Variants in HMOX2 observed in about 807,000 individuals in gnomAD.
HMOX2 encodes heme oxygenase 2, also known as heme oxygenase (decycling) 2.
Under a neutral mutation model 33.7 loss-of-function variants are expected in HMOX2, and 30 were observed. The observed-to-expected ratio is 0.89, with a 90% CI of 0.67 to 1.21. The LOEUF (loss-of-function observed/expected upper bound fraction) is 1.21. Among genes scored for constraint, HMOX2 ranks in the 50% most tolerant of loss-of-function variants. HMOX2 has a pLI of 0.00. For missense variants in HMOX2, 403 were observed against 399.1 expected (o/e 1.01, Z -0.08); for synonymous variants, 155 against 155.0 (o/e 1.00, Z 0.00).
At chr16:4,478,484 C>T (rs1182704085) in intron 1 of HMOX2, among the ~76,000 whole-genome samples, 6 of 152,130 alleles carry the variant, frequency 3.9e-5, no homozygotes, top group African/African-American at 1.4e-4. Flanking sequence ...GGTGCAGTGG[C>T]TCATGCTTGT....
intron 1 of HMOX2, among the ~76,000 whole-genome samples, chr16:4,487,838 C>T (rs979309382): frequency 6.6e-6 from 1 of 151,528 alleles, no homozygotes. Context: ...GTAATCCCAG[C>T]TACTCGGGAG....
intron 1 of HMOX2, among the ~76,000 whole-genome samples, chr16:4,482,647 C>G (rs181403359): frequency 3.3e-5 from 5 of 152,158 alleles, no homozygotes; most frequent in African/African-American, 2.4e-5. Flanking sequence ...AATCCCTCCT[C>G]GAGTTTGATT....
Position 4,478,791 on chromosome 16 carries a change from A to T in HMOX2, c.-42+2304A>T, listed in dbSNP as rs1011400541. 3.2e-4 allele frequency among the ~76,000 whole-genome samples: 49 copies of T among 151,290 alleles called. 1 individual carries two copies. The highest frequency in any genetic ancestry group is 7.3e-4 in the Admixed American group (11 of 15,170). Reference sequence around the variant, plus strand: ...AAAAAAAAAAAAAAGAAAGAAAGAAAATTAGAATTGTGTATTTCACTGTAA... The same window carrying T: ...AAAAAAAAAAAAAAGAAAGAAAGAATATTAGAATTGTGTATTTCACTGTAA... On this transcript the variant is annotated intron_variant, in intron 1 of 5. Coordinates refer to ENST00000570646, the MANE Select transcript of HMOX2 (RefSeq NM_002134.4).
intron 1 of HMOX2, among the ~76,000 whole-genome samples, chr16:4,486,873 T>C (rs2058181610): frequency 6.6e-6 from 1 of 152,160 alleles, no homozygotes; most frequent in East Asian, 1.9e-4. Context: ...GCTCAGTCCC[T>C]TTTGGCCCCC....
intron 1 of HMOX2, among the ~76,000 whole-genome samples, chr16:4,498,056 A>G (rs1356069093): frequency 7.7e-6 from 1 of 129,352 alleles, no homozygotes; most frequent in South Asian, 2.4e-4. Flanking sequence ...TCCAGGATTC[A>G]TTGTCTTTTT....
intron 1 of HMOX2, among the ~76,000 whole-genome samples, chr16:4,496,985 C>T (rs9936357): frequency 0.015 from 2,210 of 152,056 alleles, 48 homozygotes; most frequent in African/African-American, 0.051. Context: ...GTGTGAGCTA[C>T]CAGTACCAGC....
At chr16:4,488,127 CAAA>C (rs60429116) in intron 1 of HMOX2, among the ~76,000 whole-genome samples, 936 of 69,300 alleles carry the variant, frequency 0.014, 25 homozygotes, top group Admixed American at 0.12. Flanking sequence ...AACTCCATCT[CAAA>C]AAAAAAAAAA....
At chr16:4,502,321 G>A (rs901957723) in intron 1 of HMOX2, among the ~76,000 whole-genome samples, 4 of 152,232 alleles carry the variant, frequency 2.6e-5, no homozygotes, top group Admixed American at 6.5e-5. Context: ...GTAAAACACA[G>A]TTAATGAGAT....
At chr16:4,478,010 T>C (rs1319256212) in intron 1 of HMOX2, among the ~76,000 whole-genome samples, 2 of 152,212 alleles carry the variant, frequency 1.3e-5, no homozygotes, top group African/African-American at 2.4e-5. Flanking sequence ...TTGGTGAAAT[T>C]AGAAAAAGTT....
chr16:4,489,796 C>T (rs770571681), intron 1 of HMOX2, among the ~76,000 whole-genome samples: 1 of 151,948 alleles, frequency 6.6e-6, no homozygotes, highest in Non-Finnish European at 1.5e-5. Context: ...GGGGAGGTAG[C>T]AACAGAGATC....
At chr16:4,489,750 C>T (rs904344956) in intron 1 of HMOX2, among the ~76,000 whole-genome samples, 3 of 152,110 alleles carry the variant, frequency 2.0e-5, no homozygotes, top group South Asian at 2.1e-4. Flanking sequence ...TGAGCCATTG[C>T]GCCGAGCCTC....
rs1332708922 is a variant in HMOX2 at position 4,505,605 on chromosome 16, A to T, written c.81A>T (p.Gln27His). The change falls in exon 2 of 6, where the codon CAA becomes CAT. Residue 27 changes from glutamine (Q) to histidine (H), a missense_variant. Gln to His is a conservative substitution (Grantham distance 24). Coordinates refer to ENST00000570646, the MANE Select transcript of HMOX2 (RefSeq NM_002134.4). ...KNSGALEKEN[Q>H]MRMADLSELL... ...CTGGGGCCCTAGAAAAGGAGAACCA[A>T]ATGAGGTGAGCGATGGGGGCTGGCT... is the stretch of plus-strand genomic sequence containing the variant. The T allele has an allele frequency of 6.3e-7, 1 of 1,592,320 alleles. No individual in the cohort carries two copies. The highest frequency in any genetic ancestry group is 1.1e-5 in the South Asian group (1 of 88,392).
At chr16:4,508,579 C>A (rs751751219) in intron 4 of HMOX2, among the ~76,000 whole-genome samples, 1 of 152,146 alleles carries the variant, frequency 6.6e-6, no homozygotes, top group African/African-American at 2.4e-5. Context: ...GAGCCAGTGC[C>A]ACCAAGGAGA....
intron 1 of HMOX2, among the ~76,000 whole-genome samples, chr16:4,499,307 G>A (rs1042104363): frequency 3.9e-5 from 6 of 152,164 alleles, no homozygotes; most frequent in Non-Finnish European, 4.4e-5. Flanking sequence ...ATTTATGCAC[G>A]ATGGAATACT....
intron 1 of HMOX2, among the ~76,000 whole-genome samples, chr16:4,484,487 G>A (rs1448355098): frequency 1.5e-5 from 2 of 136,366 alleles, no homozygotes; most frequent in Admixed American, 1.5e-4. Context: ...TTGAGACGGA[G>A]TCTTGCACTG....
intron 1 of HMOX2, among the ~76,000 whole-genome samples, chr16:4,484,340 G>A (rs1022376997): frequency 3.3e-5 from 5 of 152,004 alleles, no homozygotes; most frequent in African/African-American, 1.2e-4. Context: ...GAAGGATCAA[G>A]AAACAGTAGT....
At chr16:4,484,836 G>A (rs1014033630) in intron 1 of HMOX2, among the ~76,000 whole-genome samples, 6 of 151,946 alleles carry the variant, frequency 3.9e-5, no homozygotes, top group Non-Finnish European at 7.4e-5. Flanking sequence ...TAAATCATCT[G>A]TATTTATAAT....
At position 4,479,132 on chromosome 16, in the gene HMOX2, CAA is replaced by C. The variant is rs200389537; in HGVS notation, c.-42+2646_-42+2647del. Among the ~76,000 whole-genome samples the C allele has an allele frequency of 7.5e-3, 1,146 of 152,170 alleles. 13 individuals carry two copies. The highest frequency in any genetic ancestry group is 0.026 in the African/African-American group (1,096 of 41,512). ...TGCCATTGCACTCCAGCCTGGGCGACAAGAGCAAAACTTCATCTCAAAGAAAA... is the reference window on the plus strand; with the variant it reads ...TGCCATTGCACTCCAGCCTGGGCGACGAGCAAAACTTCATCTCAAAGAAAA... On this transcript the variant is annotated intron_variant, in intron 1 of 5. Transcript: ENST00000570646.
At chr16:4,480,179 C>T (rs1258443896) in intron 1 of HMOX2, among the ~76,000 whole-genome samples, 1 of 151,774 alleles carries the variant, frequency 6.6e-6, no homozygotes, top group African/African-American at 2.4e-5. Flanking sequence ...TTCCAAGTAA[C>T]TGGGACTACA....
Sources: gnomAD v4.1 joint callset for allele counts (sites outside exome capture counted in the v4.1 genomes callset) on GRCh38, gnomAD v4.1.1 for gene constraint, MANE v1.5 for transcripts, NCBI Gene and HGNC (gene_info 2026-07-23, HGNC 2026-07-21) for gene names.